SNX32: variants seen among roughly 807,000 people sequenced by gnomAD.
The protein encoded by SNX32 is sorting nexin 32.
Under a neutral mutation model 57.0 loss-of-function variants are expected in SNX32, and 58 were observed. That is an observed-to-expected ratio of 1.02 (90% confidence interval 0.82 to 1.27). The LOEUF (loss-of-function observed/expected upper bound fraction) is 1.27, where lower values mean the gene tolerates loss of function less well. Ranked by LOEUF, SNX32 falls within the 50% of genes most tolerant of loss-of-function variation. The pLI, the probability that SNX32 is intolerant of heterozygous loss-of-function variation, is 0.00. For synonymous variants in SNX32, 262 were observed against 220.4 expected (o/e 1.19, Z -1.67); for missense variants, 589 against 541.2 (o/e 1.09, Z -0.88).
chr11:65,851,703 A>C (rs371369623), intron 9 of SNX32, 24 bp downstream of exon 9: 14 of 1,613,154 alleles, frequency 8.7e-6, no homozygotes, highest in African/African-American at 8.0e-5. Context: ...TCTGTGCTCA[A>C]AGGCTTTCCT....
rs1461276906 is a variant in SNX32 at position 65,849,667 on chromosome 11, C to T, written c.141+85C>T. Reference sequence around the variant, plus strand: ...AGGGGGTGGTAGGCATGTGCCAACACAGCCTGTGGGCACTCTTCCTCCACC... The same window carrying T: ...AGGGGGTGGTAGGCATGTGCCAACATAGCCTGTGGGCACTCTTCCTCCACC... On this transcript the variant is annotated intron_variant, in intron 2 of 12. Transcript: ENST00000308342. 8.2e-6 allele frequency: 10 copies of T among 1,223,908 alleles called. 1 individual carries two copies. The highest frequency in any genetic ancestry group is 1.1e-5 in the Non-Finnish European group (9 of 834,970). The allele number at this position is 1,223,908 out of a possible 1,614,324, so 75.8% of individuals were successfully genotyped here. A position where few individuals can be genotyped will look rare whatever the true frequency, so the allele number is the denominator to read the frequency against.
chr11:65,850,780 G>A lies in SNX32; in HGVS notation c.528G>A (p.Glu176=), dbSNP rs566898202. The A allele has an allele frequency of 2.5e-6, 4 of 1,614,120 alleles. No individual in the cohort carries two copies. The highest frequency in any genetic ancestry group is 1.1e-5 in the South Asian group (1 of 91,072). Residue 176 remains glutamate (E), a synonymous_variant, in exon 6 of 13, where the codon GAG becomes GAA. Transcript: ENST00000308342. ...DLSVRGKNRK[E]LLGGFLRNIV... is the part of the protein sequence containing the mutation. ...GTGTCCGGGGGAAGAACAGGAAGGA[G>A]CTCCTCGGAGGGTTTCTGAGGAATA... is the stretch of plus-strand genomic sequence containing the variant.
rs2510029 is a variant in SNX32, at chr11:65,850,861, C to G, written c.603+6C>G. 6.2e-7 allele frequency: 1 copy of G among 1,610,042 alleles called. No individual in the cohort carries two copies. The highest frequency in any genetic ancestry group is 1.7e-4 in the Middle Eastern group (1 of 6,052). On this transcript the variant is annotated splice_donor_region_variant and intron_variant, in intron 6 of 12. Transcript: ENST00000308342. ...CGGGCATGTCAGGGCTCAAGGTAAC[C>G]CCTGGTGCTCCTCTCCGGATTCAAC...
intron 1 of SNX32, among the ~76,000 whole-genome samples, chr11:65,834,503 C>T (rs1037597920): frequency 3.8e-5 from 5 of 130,298 alleles, no homozygotes; most frequent in Non-Finnish European, 6.5e-5. Flanking sequence ...GGTGTTTGTG[C>T]GTGCATGTCT....
chr11:65,849,003 G>A (rs536847796), intron 1 of SNX32, among the ~76,000 whole-genome samples: 1 of 152,228 alleles, frequency 6.6e-6, no homozygotes, highest in South Asian at 2.1e-4. Context: ...AGTTAGCCAG[G>A]CATGGTGGCT....
chr11:65,850,954 G>T (rs1859166876), intron 6 of SNX32, 99 bp downstream of exon 6: 6 of 1,492,140 alleles, frequency 4.0e-6, no homozygotes, highest in Non-Finnish European at 4.7e-6. Context: ...CACTGGTGGG[G>T]CCTGGCCTGG....
Position 65,839,215 on chromosome 11 carries a change from ATTTTTTTGTATTT to A in SNX32, c.36+5122_36+5134del, listed in dbSNP as rs1477937585. ...AGCTGTGCCCCACCACGCCCAGCTA[ATTTTTTTGTATTT>A]TTTTTTTTTTTTTTTTTTTGAGACG... On this transcript the variant is annotated intron_variant, in intron 1 of 12. Transcript: ENST00000308342. 3.1e-4 allele frequency among the ~76,000 whole-genome samples: 6 copies of A among 19,532 alleles called. 1 individual carries two copies. Among genetic ancestry groups the A allele is most frequent in the Admixed American group, 7.7e-4 (1 of 1,302 alleles). The allele number at this position is 19,532 out of a possible 152,430, so 12.8% of individuals were successfully genotyped here.
At chr11:65,844,520 T>C (rs1163621599) in intron 1 of SNX32, among the ~76,000 whole-genome samples, 1 of 152,158 alleles carries the variant, frequency 6.6e-6, no homozygotes, top group Non-Finnish European at 1.5e-5. Flanking sequence ...CAACTGGAAC[T>C]TTCATACACA....
chr11:65,839,079 C>T (rs1858747820), intron 1 of SNX32, among the ~76,000 whole-genome samples: 1 of 151,084 alleles, frequency 6.6e-6, no homozygotes, highest in Non-Finnish European at 1.5e-5. Flanking sequence ...GAGGGAGTCT[C>T]ACTTCATTGC....
chr11:65,849,718 G>T, intron 2 of SNX32, 136 bp downstream of exon 2: 1 of 864,020 alleles, frequency 1.2e-6, no homozygotes. Context: ...GCCCCTCCTG[G>T]AAAGTGAGCC....
At chr11:65,839,913 C>G (rs967848967) in intron 1 of SNX32, among the ~76,000 whole-genome samples, 1 of 151,936 alleles carries the variant, frequency 6.6e-6, no homozygotes, top group East Asian at 1.9e-4. Flanking sequence ...AATCCCAGCA[C>G]TTTGGGAGGC....
chr11:65,848,223 T>C lies in SNX32; in HGVS notation c.37-1255T>C, dbSNP rs187970083. Among the ~76,000 whole-genome samples the C allele has an allele frequency of 1.0e-3, 153 of 152,280 alleles. 1 individual carries two copies. Among genetic ancestry groups the C allele is most frequent in the Non-Finnish European group, 1.2e-3 (84 of 68,016 alleles). ...CCTGTTGTATACTGGTGAGCAATGC[T>C]GAAGGGTAGAGTGATTCCTAAGCCT... On this transcript the variant is annotated intron_variant, in intron 1 of 12. Coordinates refer to ENST00000308342, the MANE Select transcript of SNX32 (RefSeq NM_152760.3).
chr11:65,851,263 T>C (rs1236933079), intron 7 of SNX32, 65 bp from the exon 8 acceptor site: 8 of 1,604,380 alleles, frequency 5.0e-6, no homozygotes, highest in Non-Finnish European at 6.8e-6. Flanking sequence ...TGTTTGTCTG[T>C]GGCCACAAGC....
At chr11:65,853,158 A>G (rs1251301561) in intron 12 of SNX32, 124 bp from the exon 13 acceptor site, 4 of 1,444,904 alleles carry the variant, frequency 2.8e-6, no homozygotes, top group African/African-American at 2.8e-5. Flanking sequence ...GGAAGGCCCA[A>G]TTAACAGCAG....
chr11:65,848,150 A>T (rs1565250988), intron 1 of SNX32, among the ~76,000 whole-genome samples: 1 of 152,152 alleles, frequency 6.6e-6, no homozygotes, highest in Non-Finnish European at 1.5e-5. Context: ...CCAAAAGCAG[A>T]GAGAGGAGAG....
intron 1 of SNX32, among the ~76,000 whole-genome samples, chr11:65,847,013 T>A (rs1283497262): frequency 6.4e-5 from 2 of 31,138 alleles, no homozygotes; most frequent in East Asian, 8.4e-4. Flanking sequence ...TAGTTTTTTT[T>A]GTTTTTTTTT....
chr11:65,839,965 C>A (rs538516491), intron 1 of SNX32, among the ~76,000 whole-genome samples: 1 of 151,908 alleles, frequency 6.6e-6, no homozygotes, highest in South Asian at 2.1e-4. Flanking sequence ...TCGAGACCAG[C>A]CTCAACATGG....
chr11:65,841,567 G>C (rs989582616), intron 1 of SNX32, among the ~76,000 whole-genome samples: 19 of 152,006 alleles, frequency 1.2e-4, no homozygotes, highest in Non-Finnish European at 2.4e-4. Context: ...ATTAGAAGAT[G>C]AAACTTTTTA....
In SNX32 at chr11:65,853,493, A is replaced by G; in HGVS notation, c.*158A>G. On this transcript the variant is annotated 3_prime_UTR_variant, in exon 13 of 13. Transcript: ENST00000308342. ...TCAGGGAAAGCCCAAACCCCCTATC[A>G]CCACCACCACAGGTGCCAGGCCCTG... is the stretch of plus-strand genomic sequence containing the variant. 1.4e-6 allele frequency: 1 copy of G among 698,860 alleles called. No homozygotes were observed. The highest frequency in any genetic ancestry group is 1.8e-5 in the African/African-American group (1 of 56,424). The allele number at this position is 698,860 out of a possible 1,614,324, so 43.3% of individuals were successfully genotyped here. A position where few individuals can be genotyped will look rare whatever the true frequency, so the allele number is the denominator to read the frequency against.
Sources: allele counts gnomAD v4.1 joint callset (sites outside exome capture counted in the v4.1 genomes callset), GRCh38; gene constraint gnomAD v4.1.1; transcripts MANE v1.5; gene names NCBI Gene and HGNC (gene_info 2026-07-23, HGNC 2026-07-21).